The following SERINC5 variants were observed in gnomAD, a reference collection of about 807,000 sequenced individuals.
SERINC5 encodes chromosome 5 open reading frame 12.
A neutral mutation model predicts 63.1 loss-of-function variants in SERINC5; 41 were observed. The ratio of observed to expected loss-of-function variants is 0.65; its 90% confidence interval spans 0.51 to 0.84. SERINC5 has a LOEUF of 0.84. Among genes scored for constraint, SERINC5 ranks in the 40% least tolerant of loss-of-function variants. The pLI is 0.00. For synonymous variants in SERINC5, 222 were observed against 215.2 expected, an observed-to-expected ratio of 1.03 and a Z score of -0.28; for missense variants, 523 against 573.0, an observed-to-expected ratio of 0.91 and a Z score of 0.89.
At position 80,140,928 on chromosome 5, in the gene SERINC5, C is replaced by T; in HGVS notation, c.*2735G>A. On this transcript the variant is annotated 3_prime_UTR_variant, in exon 12 of 12. Coordinates refer to ENST00000507668, the MANE Select transcript of SERINC5 (RefSeq NM_001174072.3). ...ACAAAAAGGTGTAGGAAGCAAATGT[C>T]TATTATTTTTAAAAGATATCAGTGA... 3 of 985,276 alleles carry T rather than the reference C, an allele frequency of 3.0e-6. No individual in the cohort carries two copies. Among genetic ancestry groups the T allele is most frequent in the Middle Eastern group, 5.2e-4 (1 of 1,914 alleles). The allele number at this position is 985,276 out of a possible 1,614,324, so 61.0% of individuals were successfully genotyped here.
At chr5:80,252,499 T>G (rs558282640) in intron 1 of SERINC5, among the ~76,000 whole-genome samples, 1 of 152,210 alleles carries the variant, frequency 6.6e-6, no homozygotes, top group African/African-American at 2.4e-5. Context: ...CCATAAAGTG[T>G]TGAGTGACCA....
At chr5:80,177,729 A>G (rs544284318) in intron 3 of SERINC5, among the ~76,000 whole-genome samples, 157 bp downstream of exon 3, 5 of 152,318 alleles carry the variant, frequency 3.3e-5, no homozygotes, top group Non-Finnish European at 5.9e-5. Flanking sequence ...CCTTTGAGGC[A>G]ACCATGTGGG....
intron 1 of SERINC5, among the ~76,000 whole-genome samples, chr5:80,233,228 C>G (rs1751532416): frequency 6.6e-6 from 1 of 152,158 alleles, no homozygotes. Flanking sequence ...GAGTTCGAGA[C>G]CAGCCTGACC....
At chr5:80,197,459 T>G (rs539224401) in intron 2 of SERINC5, among the ~76,000 whole-genome samples, 1 of 152,154 alleles carries the variant, frequency 6.6e-6, no homozygotes, top group East Asian at 1.9e-4. Flanking sequence ...GATTAGTGGC[T>G]GCCTAGGGCT....
intron 1 of SERINC5, among the ~76,000 whole-genome samples, chr5:80,218,272 G>A (rs1750754780): frequency 6.6e-6 from 1 of 152,212 alleles, no homozygotes; most frequent in South Asian, 2.1e-4. Flanking sequence ...TGGGCGCAGT[G>A]GCTCACGCCT....
chr5:80,181,372 G>C (rs949639152), intron 2 of SERINC5, among the ~76,000 whole-genome samples: 1 of 148,752 alleles, frequency 6.7e-6, no homozygotes, highest in Non-Finnish European at 1.5e-5. Flanking sequence ...TCAGCTTCCT[G>C]AGTAGCTAGG....
chr5:80,177,845 A>G (rs775091770), intron 3 of SERINC5, 41 bp downstream of exon 3: 1 of 1,501,898 alleles, frequency 6.7e-7, no homozygotes, highest in Non-Finnish European at 9.0e-7. Context: ...CCTGAACATA[A>G]GAAAGGAGAA....
intron 11 of SERINC5, among the ~76,000 whole-genome samples, chr5:80,145,495 A>C (rs1745760941): frequency 6.6e-6 from 1 of 152,204 alleles, no homozygotes; most frequent in Non-Finnish European, 1.5e-5. Flanking sequence ...TTTTAAAAAA[A>C]GATGTTTCCA....
chr5:80,179,467 A>C lies in SERINC5; in HGVS notation c.196-1403T>G, dbSNP rs548502386. Among the ~76,000 whole-genome samples the C allele has an allele frequency of 6.6e-5, 10 of 152,288 alleles. No homozygotes were observed. The East Asian group carries it at 1.9e-3, about 29-fold the overall frequency. On this transcript the variant is annotated intron_variant, in intron 2 of 11. Coordinates refer to ENST00000507668, the MANE Select transcript of SERINC5 (RefSeq NM_001174072.3). ...AATTTTTTGTTGGGGAGGGTTTTTA[A>C]ATTTTATTTTTTGTACTTGTTTTTT...
intron 2 of SERINC5, among the ~76,000 whole-genome samples, chr5:80,187,706 T>C (rs1294352242): frequency 6.6e-6 from 1 of 152,204 alleles, no homozygotes; most frequent in East Asian, 1.9e-4. Flanking sequence ...TGTATCATTA[T>C]TAAAAGCCAA....
intron 3 of SERINC5, 107 bp downstream of exon 3, chr5:80,177,779 A>T: frequency 2.3e-6 from 2 of 866,088 alleles, no homozygotes; most frequent in East Asian, 5.4e-5. Context: ...AACAATTTCA[A>T]CTAGAAGAAG....
At chr5:80,225,892 T>C (rs1362188382) in intron 1 of SERINC5, among the ~76,000 whole-genome samples, 1 of 152,144 alleles carries the variant, frequency 6.6e-6, no homozygotes, top group East Asian at 1.9e-4. Context: ...AACACCAAAA[T>C]TAAAGATGTG....
intron 8 of SERINC5, chr5:80,158,026 G>A (rs757762407): frequency 5.9e-5 from 9 of 152,134 alleles, no homozygotes; most frequent in Non-Finnish European, 8.8e-5. Flanking sequence ...AGTTTACAAT[G>A]TGCCTATGGC....
rs9647560 is a variant in SERINC5 at position 80,220,046 on chromosome 5, A to G, written c.28-16993T>C. ...AACATGGCCAAACCCCGCCTCTACT[A>G]AAAATACAAAAAACTAGCTGGGTAT... On this transcript the variant is annotated intron_variant, in intron 1 of 11. Transcript: ENST00000507668. 2.8e-3 allele frequency among the ~76,000 whole-genome samples: 425 copies of G among 152,118 alleles called. 1 individual carries two copies. Among genetic ancestry groups the G allele is most frequent in the Middle Eastern group, 6.8e-3 (2 of 294 alleles).
At chr5:80,202,744 G>T in intron 2 of SERINC5, 142 bp downstream of exon 2, 2 of 648,030 alleles carry the variant, frequency 3.1e-6, no homozygotes, top group Non-Finnish European at 5.1e-6. Context: ...AAAGCATAGA[G>T]CAGGCTTCAG....
intron 11 of SERINC5, among the ~76,000 whole-genome samples, chr5:80,118,105 A>C (rs532725109): frequency 2.3e-4 from 35 of 152,202 alleles, no homozygotes; most frequent in Non-Finnish European, 8.8e-5. Flanking sequence ...CAGGAGGTGG[A>C]GGCAAGAGAA....
At chr5:80,224,925 TTTTTTTTTTG>T (rs1310733793) in intron 1 of SERINC5, among the ~76,000 whole-genome samples, 5 of 24,510 alleles carry the variant, frequency 2.0e-4, no homozygotes, top group Middle Eastern at 0.015. Flanking sequence ...CGCCCAGCGT[TTTTTTTTTTG>T]TTTTTTTTTG....
At chr5:80,126,757 T>C (rs1744762788) in intron 11 of SERINC5, among the ~76,000 whole-genome samples, 1 of 152,216 alleles carries the variant, frequency 6.6e-6, no homozygotes, top group African/African-American at 2.4e-5. Flanking sequence ...AAATTTTTGC[T>C]TATTTGTTTA....
chr5:80,143,792 G>A lies in SERINC5; in HGVS notation c.1257C>T (p.Ile419=), dbSNP rs761212236. 167 of 1,536,018 alleles carry A rather than the reference G, an allele frequency of 1.1e-4. No individual in the cohort carries two copies. The highest frequency in any genetic ancestry group is 1.6e-4 in the African/African-American group (12 of 73,058). ...TNWFNYESAN[I]ESFFSGSWSI... is the part of the protein sequence containing the mutation. Reference sequence around the variant, plus strand: ...ACCAGCTCCCGCTGAAGAAGCTCTCGATGTTGGCACTTTCGTAGCTGTGGA... The same window carrying A: ...ACCAGCTCCCGCTGAAGAAGCTCTCAATGTTGGCACTTTCGTAGCTGTGGA... The change falls in exon 12 of 12, where the codon ATC becomes ATT. Residue 419 remains isoleucine (I), a synonymous_variant. Transcript: ENST00000507668.
Sources: allele counts gnomAD v4.1 joint callset (sites outside exome capture counted in the v4.1 genomes callset), GRCh38; gene constraint gnomAD v4.1.1; transcripts MANE v1.5; gene names NCBI Gene and HGNC (gene_info 2026-07-23, HGNC 2026-07-21).